Variants in TMEM163 observed in about 807,000 individuals in gnomAD.
TMEM163 encodes transmembrane protein 163.
In TMEM163, 17 loss-of-function variants were observed where a neutral mutation model predicts 29.3. The observed-to-expected ratio is 0.58, with a 90% CI of 0.40 to 0.87. The LOEUF (loss-of-function observed/expected upper bound fraction) is 0.87, where lower values mean the gene tolerates loss of function less well. Ranked by LOEUF, TMEM163 falls within the 40% of genes least tolerant of loss-of-function variation. The pLI is 0.00. For synonymous variants in TMEM163, 157 were observed against 160.6 expected (o/e 0.98, Z 0.17); for missense variants, 303 against 381.5 (o/e 0.79, Z 1.71).
At chr2:134,681,251 C>T (rs1684226050) in intron 2 of TMEM163, among the ~76,000 whole-genome samples, 1 of 152,186 alleles carries the variant, frequency 6.6e-6, no homozygotes, top group Non-Finnish European at 1.5e-5. Context: ...TCTGGTCATG[C>T]CTCTCTCCAG....
intron 4 of TMEM163, among the ~76,000 whole-genome samples, chr2:134,511,899 G>A (rs1301260287): frequency 2.0e-5 from 3 of 152,176 alleles, no homozygotes; most frequent in African/African-American, 4.8e-5. Flanking sequence ...GTCTATGCAT[G>A]GAATATATCC....
At chr2:134,682,450 G>A (rs1185407285) in intron 2 of TMEM163, among the ~76,000 whole-genome samples, 1 of 152,182 alleles carries the variant, frequency 6.6e-6, no homozygotes, top group Non-Finnish European at 1.5e-5. Context: ...GTAAACTGAG[G>A]TGAGTAGGGG....
chr2:134,568,631 A>C (rs186600927), intron 2 of TMEM163, among the ~76,000 whole-genome samples: 29 of 151,754 alleles, frequency 1.9e-4, no homozygotes, highest in East Asian at 1.2e-3. Context: ...GAAAAAAGAA[A>C]GAAGAAAAAG....
At chr2:134,646,407 G>T (rs1276148989) in intron 2 of TMEM163, among the ~76,000 whole-genome samples, 1 of 151,104 alleles carries the variant, frequency 6.6e-6, no homozygotes, top group Non-Finnish European at 1.5e-5. Flanking sequence ...TTAGTTGTTG[G>T]TTTGCTTCTT....
At chr2:134,603,335 T>C (rs573521595) in intron 2 of TMEM163, among the ~76,000 whole-genome samples, 1 of 152,338 alleles carries the variant, frequency 6.6e-6, no homozygotes, top group East Asian at 1.9e-4. Flanking sequence ...TATAATAGTT[T>C]GGATTTGGCC....
At chr2:134,649,100 A>G (rs1050954311) in intron 2 of TMEM163, among the ~76,000 whole-genome samples, 2 of 152,236 alleles carry the variant, frequency 1.3e-5, no homozygotes, top group Non-Finnish European at 2.9e-5. Context: ...ATCAAAGTAA[A>G]TAAGTGTGTG....
At chr2:134,659,752 C>A (rs183512996) in intron 2 of TMEM163, among the ~76,000 whole-genome samples, 2 of 152,162 alleles carry the variant, frequency 1.3e-5, no homozygotes, top group Admixed American at 1.3e-4. Flanking sequence ...CCAGCCTGGG[C>A]AACAAAGAGA....
chr2:134,709,897 G>A (rs1237520829), intron 2 of TMEM163, among the ~76,000 whole-genome samples: 1 of 152,100 alleles, frequency 6.6e-6, no homozygotes, highest in African/African-American at 2.4e-5. Flanking sequence ...ATAAAACTTT[G>A]GTCTCTATAA....
chr2:134,589,172 C>T (rs913251096), intron 2 of TMEM163, among the ~76,000 whole-genome samples: 1 of 152,058 alleles, frequency 6.6e-6, no homozygotes, highest in Non-Finnish European at 1.5e-5. Context: ...ATACACAGGA[C>T]CCAGGCACTG....
chr2:134,610,327 G>A (rs995720302), intron 2 of TMEM163, among the ~76,000 whole-genome samples: 1 of 152,186 alleles, frequency 6.6e-6, no homozygotes, highest in South Asian at 2.1e-4. Context: ...GTCCACCCAG[G>A]TGCCTGCTGG....
chr2:134,486,262 A>G (rs1679303329), intron 5 of TMEM163, among the ~76,000 whole-genome samples: 2 of 152,204 alleles, frequency 1.3e-5, no homozygotes, highest in Non-Finnish European at 1.5e-5. Flanking sequence ...AAGATAAACA[A>G]ACTTAAAGCT....
chr2:134,648,918 G>A (rs757469117), intron 2 of TMEM163, among the ~76,000 whole-genome samples: 12 of 152,130 alleles, frequency 7.9e-5, no homozygotes, highest in South Asian at 2.1e-4. Context: ...GATGGCTCAC[G>A]GCTAAAAACT....
chr2:134,635,385 T>C (rs1369253026), intron 2 of TMEM163, among the ~76,000 whole-genome samples: 1 of 152,138 alleles, frequency 6.6e-6, no homozygotes, highest in Non-Finnish European at 1.5e-5. Flanking sequence ...TATCTCCTAC[T>C]TCGTTTGCTA....
intron 5 of TMEM163, among the ~76,000 whole-genome samples, chr2:134,498,043 C>A (rs1679612039): frequency 6.6e-6 from 1 of 152,216 alleles, no homozygotes; most frequent in Admixed American, 6.5e-5. Context: ...GGGCTCTCCT[C>A]TACTGCCGAT....
At chr2:134,494,523 C>T (rs1383296815) in intron 5 of TMEM163, among the ~76,000 whole-genome samples, 2 of 152,108 alleles carry the variant, frequency 1.3e-5, no homozygotes, top group African/African-American at 2.4e-5. Flanking sequence ...CTGAGAAGAG[C>T]GTCCCTGAAG....
At chr2:134,465,047 A>C (rs1686632470) in intron 6 of TMEM163, among the ~76,000 whole-genome samples, 1 of 152,072 alleles carries the variant, frequency 6.6e-6, no homozygotes, top group African/African-American at 2.4e-5. Flanking sequence ...TGGACAAGGA[A>C]GTATTTCTTA....
chr2:134,497,375 T>C (rs2106485033), intron 5 of TMEM163, among the ~76,000 whole-genome samples: 1 of 152,344 alleles, frequency 6.6e-6, no homozygotes, highest in Admixed American at 6.5e-5. Flanking sequence ...TGCCAACATG[T>C]GGCTGTTTAT....
intron 2 of TMEM163, among the ~76,000 whole-genome samples, chr2:134,581,220 T>A (rs1427923622): frequency 1.3e-5 from 2 of 152,150 alleles, no homozygotes; most frequent in Non-Finnish European, 2.9e-5. Context: ...ATCTTCCTTT[T>A]TTTTCTTTTT....
intron 2 of TMEM163, among the ~76,000 whole-genome samples, chr2:134,711,272 AT>A (rs1488419154): frequency 6.6e-6 from 1 of 152,200 alleles, no homozygotes; most frequent in African/African-American, 2.4e-5. Context: ...TAACAACACA[AT>A]CACAGACCAT....
Sources: allele counts gnomAD v4.1 joint callset (sites outside exome capture counted in the v4.1 genomes callset), GRCh38; gene constraint gnomAD v4.1.1; transcripts MANE v1.5; gene names NCBI Gene and HGNC (gene_info 2026-07-23, HGNC 2026-07-21).